The following IL17RA variants were observed in gnomAD, a reference collection of about 807,000 sequenced individuals.
The protein encoded by IL17RA is interleukin 17 receptor A.
A neutral mutation model predicts 50.4 loss-of-function variants in IL17RA; 34 were observed. That is an observed-to-expected ratio of 0.67 (90% CI 0.51 to 0.90). The LOEUF (loss-of-function observed/expected upper bound fraction) is 0.90, where lower values mean the gene tolerates loss of function less well. Ranked by LOEUF, IL17RA falls within the 40% of genes least tolerant of loss-of-function variation. The pLI is 0.00. For synonymous variants in IL17RA, 585 were observed against 510.4 expected (o/e 1.15, Z -1.97); for missense variants, 1,276 against 1,169.8 (o/e 1.09, Z -1.32).
chr22:17,113,198 G>A lies in IL17RA; in HGVS notation c.*3378G>A, dbSNP rs1163438573. On this transcript the variant is annotated 3_prime_UTR_variant, in exon 13 of 13. Transcript: ENST00000319363. ...TCTTTCTTGCTTTTGTTGTGTTTTG[G>A]TTTTTTGTTTGTTTTTAAGTCAGGG... The A allele has an allele frequency of 6.6e-6, 1 of 152,000 alleles. No individual in the cohort carries two copies. Among genetic ancestry groups the A allele is most frequent in the Non-Finnish European group, 1.5e-5 (1 of 67,986 alleles). The allele number at this position is 152,000 out of a possible 1,614,324, so 9.4% of individuals were successfully genotyped here.
At chr22:17,096,847 G>A (rs2061370068) in intron 1 of IL17RA, among the ~76,000 whole-genome samples, 1 of 148,576 alleles carries the variant, frequency 6.7e-6, no homozygotes, top group South Asian at 2.1e-4. Context: ...TCCAGCCTGG[G>A]CGACAGAGCA....
chr22:17,108,646 G>A lies in IL17RA; in HGVS notation c.1427G>A (p.Gly476Glu), dbSNP rs1198329596. ...CGCTGCGACCACGGAAAGCCCGTGG[G>A]GGACCTGTTCACTGCAGCCATGAAC... ...RLRCDHGKPV[G>E]DLFTAAMNMI... Residue 476 changes from glycine to glutamate, a missense_variant, in exon 13 of 13, where the codon GGG becomes GAG. By Grantham distance (98) the Gly-to-Glu change is moderately conservative (BLOSUM62 -2). Coordinates refer to ENST00000319363, the MANE Select transcript of IL17RA (RefSeq NM_014339.7). 1.2e-6 allele frequency: 2 copies of A among 1,606,528 alleles called. No homozygotes were observed. Among genetic ancestry groups the A allele is most frequent in the Non-Finnish European group, 8.5e-7 (1 of 1,179,726 alleles).
Position 17,109,319 on chromosome 22 carries a change from C to A in IL17RA, c.2100C>A (p.Gly700=). ...TCCGGCTGGCACTGGCGGGGGAGGG[C>A]GAGGCCTGCCCGCTGCTGGGCAGCC... ...AAVRLALAGE[G]EACPLLGSPG... is the part of the protein sequence containing the mutation. Residue 700 remains glycine (G), a synonymous_variant, in exon 13 of 13, where the codon GGC becomes GGA. Coordinates refer to ENST00000319363, the MANE Select transcript of IL17RA (RefSeq NM_014339.7). 3 of 1,534,840 alleles carry A rather than the reference C, an allele frequency of 2.0e-6. No homozygotes were observed. The highest frequency in any genetic ancestry group is 2.6e-6 in the Non-Finnish European group (3 of 1,144,868).
Position 17,113,829 on chromosome 22 carries a change from G to C in IL17RA, c.*4009G>C, listed in dbSNP as rs931079546. ...GCTGGCCAGCTGCTCGTCCGCCCTA[G>C]GTAGCTTGCTCATCTGTAAAGTGGG... On this transcript the variant is annotated 3_prime_UTR_variant, in exon 13 of 13. Coordinates refer to ENST00000319363, the MANE Select transcript of IL17RA (RefSeq NM_014339.7). 2 of 152,294 alleles carry C rather than the reference G, an allele frequency of 1.3e-5. No homozygotes were observed. Among genetic ancestry groups the C allele is most frequent in the Non-Finnish European group, 2.9e-5 (2 of 68,114 alleles). 9.4% of individuals were successfully genotyped at this position (152,294 alleles called of 1,614,324 possible).
At chr22:17,094,691 C>CTCTCTCTCTCTCTCTCTCTA (rs1448096911) in intron 1 of IL17RA, among the ~76,000 whole-genome samples, 4 of 24,690 alleles carry the variant, frequency 1.6e-4, no homozygotes, top group Non-Finnish European at 2.7e-4. Flanking sequence ...CTCTCTCTCT[C>CTCTCTCTCTCTCTCTCTCTA]TATATATATA....
In IL17RA at chr22:17,110,529, G is replaced by A. The variant is rs2061436959; in HGVS notation, c.*709G>A. On this transcript the variant is annotated 3_prime_UTR_variant, in exon 13 of 13. Transcript: ENST00000319363. Reference sequence around the variant, plus strand: ...AAAAAAAAAAAAAGATGGTCACGCGGGATGTAAACGCTGAATGGGCCAGGT... The same window carrying A: ...AAAAAAAAAAAAAGATGGTCACGCGAGATGTAAACGCTGAATGGGCCAGGT... The A allele has an allele frequency of 6.5e-6, 1 of 153,224 alleles. No homozygotes were observed. The highest frequency in any genetic ancestry group is 2.4e-5 in the African/African-American group (1 of 41,326). 9.5% of individuals were successfully genotyped at this position (153,224 alleles called of 1,614,324 possible). A position where few individuals can be genotyped will look rare whatever the true frequency, so the allele number is the denominator to read the frequency against.
In IL17RA at chr22:17,108,351, A is replaced by G. The variant is rs1328164977; in HGVS notation, c.1132A>G (p.Arg378Gly). 4 of 1,614,140 alleles carry G rather than the reference A, an allele frequency of 2.5e-6. No individual in the cohort carries two copies. The South Asian group carries it at 4.4e-5, about 18-fold the overall frequency. The change falls in exon 13 of 13, where the codon AGG becomes GGG. Residue 378 changes from arginine (R) to glycine (G), a missense_variant. Arg to Gly is a moderately radical substitution (Grantham distance 125). Coordinates refer to ENST00000319363, the MANE Select transcript of IL17RA (RefSeq NM_014339.7). The stretch of plus-strand genomic sequence containing the variant: ...CCTGATCCCCCCACCGCTGAAGCCC[A>G]GGAAGGTCTGGATCATCTACTCAGC... ...ADLIPPPLKP[R>G]KVWIIYSADH...
intron 5 of IL17RA, among the ~76,000 whole-genome samples, chr22:17,101,303 G>A (rs1310529948): frequency 6.6e-6 from 1 of 152,212 alleles, no homozygotes; most frequent in African/African-American, 2.4e-5. Flanking sequence ...GGTTGGTCAA[G>A]AAATGCTTGT....
chr22:17,085,375 G>A (rs1268093211), intron 1 of IL17RA, 146 bp downstream of exon 1: 21 of 1,361,690 alleles, frequency 1.5e-5, no homozygotes, highest in African/African-American at 6.0e-5. Flanking sequence ...AGAGCCTTGG[G>A]CACAGATATC....
rs1196361004 is a variant in IL17RA, at chr22:17,109,655, G to A, written c.2436G>A (p.Glu812=). 1 of 1,600,662 alleles carries A rather than the reference G, an allele frequency of 6.2e-7. No individual in the cohort carries two copies. The highest frequency in any genetic ancestry group is 2.2e-5 in the East Asian group (1 of 44,514). Residue 812 remains glutamate, a synonymous_variant, in exon 13 of 13, where the codon GAG becomes GAA. Transcript: ENST00000319363. The part of the protein sequence containing the change: ...PQPPEGLTEM[E]EEEEEEQDPG... The stretch of plus-strand genomic sequence containing the variant: ...CCCCCGAGGGACTCACGGAAATGGA[G>A]GAAGAGGAGGAAGAGGAGCAGGACC...
Position 17,108,575 on chromosome 22 carries a change from C to T in IL17RA, c.1356C>T (p.Arg452=). The change falls in exon 13 of 13, where the codon CGC becomes CGT. Residue 452 remains arginine (R), a synonymous_variant. Coordinates refer to ENST00000319363, the MANE Select transcript of IL17RA (RefSeq NM_014339.7). The stretch of plus-strand genomic sequence containing the variant: ...TCGTCCTGTGCTCCCGCGGCACGCG[C>T]GCCAAGTGGCAGGCGCTCCTGGGCC... ...KIIVLCSRGT[R]AKWQALLGRG... 1.2e-6 allele frequency: 2 copies of T among 1,606,446 alleles called. No individual in the cohort carries two copies. Among genetic ancestry groups the T allele is most frequent in the Non-Finnish European group, 1.7e-6 (2 of 1,179,916 alleles).
chr22:17,105,822 C>A, intron 10 of IL17RA, 31 bp from the exon 11 acceptor site: 1 of 1,553,246 alleles, frequency 6.4e-7, no homozygotes, highest in Non-Finnish European at 8.7e-7. Flanking sequence ...CAGGCCCCGC[C>A]GCATCACTCA....
intron 8 of IL17RA, among the ~76,000 whole-genome samples, chr22:17,104,451 C>CA (rs754571061): frequency 6.6e-6 from 1 of 151,988 alleles, no homozygotes; most frequent in Non-Finnish European, 1.5e-5. Context: ...TGCTGGTGGA[C>CA]AGGGGAAAGC....
rs1379971384 is a variant in IL17RA at position 17,108,982 on chromosome 22, A to G, written c.1763A>G (p.Glu588Gly). 3.1e-6 allele frequency: 5 copies of G among 1,604,298 alleles called. No individual in the cohort carries two copies. The highest frequency in any genetic ancestry group is 4.2e-6 in the Non-Finnish European group (5 of 1,179,194). The change falls in exon 13 of 13, where the codon GAG (glutamate) becomes GGG (glycine). Residue 588 changes from glutamate (E) to glycine (G), a missense_variant. Coordinates refer to ENST00000319363, the MANE Select transcript of IL17RA (RefSeq NM_014339.7). ...QVRCPDWFEC[E>G]NLYSADDQDA... ...CGCTGTCCCGACTGGTTCGAATGTG[A>G]GAACCTCTACTCAGCAGATGACCAG...
chr22:17,103,678 G>C, intron 8 of IL17RA, 101 bp downstream of exon 8: 1 of 900,706 alleles, frequency 1.1e-6, no homozygotes, highest in Non-Finnish European at 1.8e-6. Flanking sequence ...TGGTGTGGAC[G>C]GGAGTGGGGA....
In IL17RA at chr22:17,109,244, G is replaced by A; in HGVS notation, c.2025G>A (p.Gly675=). 1 of 1,490,396 alleles carries A rather than the reference G, an allele frequency of 6.7e-7. No homozygotes were observed. Among genetic ancestry groups the A allele is most frequent in the Non-Finnish European group, 8.9e-7 (1 of 1,126,380 alleles). The allele number at this position is 1,490,396 out of a possible 1,614,324, so 92.3% of individuals were successfully genotyped here. Residue 675 remains glycine (G), a synonymous_variant, in exon 13 of 13, where the codon GGG becomes GGA. Coordinates refer to ENST00000319363, the MANE Select transcript of IL17RA (RefSeq NM_014339.7). The stretch of plus-strand genomic sequence containing the variant: ...CCCTGGTGCTCGCCGCAGAGGAGGG[G>A]GCCCTGGTGGCCGCGGTGGAGCCTG... ...LHTLVLAAEE[G]ALVAAVEPGP... is the part of the protein sequence containing the mutation.
intron 1 of IL17RA, among the ~76,000 whole-genome samples, chr22:17,087,531 C>T (rs2061332641): frequency 2.0e-5 from 3 of 152,194 alleles, no homozygotes; most frequent in Admixed American, 1.3e-4. Context: ...TATGTGTTGA[C>T]TGAACAAAAG....
rs1202335201 is a variant in IL17RA, at chr22:17,112,835, C to T, written c.*3015C>T. 6.6e-6 allele frequency: 1 copy of T among 152,190 alleles called. No individual in the cohort carries two copies. Among genetic ancestry groups the T allele is most frequent in the Non-Finnish European group, 1.5e-5 (1 of 68,054 alleles). 9.4% of individuals were successfully genotyped at this position (152,190 alleles called of 1,614,324 possible). A position where few individuals can be genotyped will look rare whatever the true frequency, so the allele number is the denominator to read the frequency against. Reference sequence around the variant, plus strand: ...TGCCCCTCCCACCTCTTCAGCTCGTCTCCTGAGTGTGCAGAGGTGGTTCCG... The same window carrying T: ...TGCCCCTCCCACCTCTTCAGCTCGTTTCCTGAGTGTGCAGAGGTGGTTCCG... On this transcript the variant is annotated 3_prime_UTR_variant, in exon 13 of 13. Transcript: ENST00000319363.
intron 1 of IL17RA, among the ~76,000 whole-genome samples, chr22:17,091,173 C>G (rs1468752958): frequency 6.6e-6 from 1 of 152,164 alleles, no homozygotes; most frequent in African/African-American, 2.4e-5. Context: ...CTGTAATTTC[C>G]TAAGCATATG....
Sources: allele counts gnomAD v4.1 joint callset (sites outside exome capture counted in the v4.1 genomes callset), GRCh38; gene constraint gnomAD v4.1.1; transcripts MANE v1.5; gene names NCBI Gene and HGNC (gene_info 2026-07-23, HGNC 2026-07-21).